Variants in DYNC2H1 observed in about 807,000 individuals in gnomAD.
The protein encoded by DYNC2H1 is cytoplasmic dynein 2 heavy chain 1.
In DYNC2H1, 410 loss-of-function variants were observed where a neutral mutation model predicts 570.0. That is an observed-to-expected ratio of 0.72 (90% confidence interval 0.66 to 0.78). The LOEUF (loss-of-function observed/expected upper bound fraction) is 0.78, where lower values mean the gene tolerates loss of function less well. Ranked by LOEUF, DYNC2H1 falls within the 30% of genes least tolerant of loss-of-function variation. The pLI is 0.00. For synonymous variants in DYNC2H1, 1,688 were observed against 1,677.6 expected (o/e 1.01, Z -0.15); for missense variants, 4,865 against 5,046.4 (o/e 0.96, Z 1.09).
At chr11:103,214,278 C>T (rs2135129633) in intron 54 of DYNC2H1, among the ~76,000 whole-genome samples, 1 of 152,112 alleles carries the variant, frequency 6.6e-6, no homozygotes, top group Middle Eastern at 3.4e-3. Flanking sequence ...GTTCTTTTTG[C>T]TCAGGATTGC....
rs1364777202 is a variant in DYNC2H1, at chr11:103,472,128, T to C, written c.12765+3423T>C. On this transcript the variant is annotated intron_variant, in intron 88 of 88. Coordinates refer to ENST00000375735, the MANE Select transcript of DYNC2H1 (RefSeq NM_001377.3). The surrounding 1 kb of genome is among the most constrained non-coding windows in gnomAD (Gnocchi z 4.1). ...GGAGGGTATAGTTCATATGGAAGAA[T>C]GGTGGGGGATGCGGCCAGAAAGGAA... Among the ~76,000 whole-genome samples the C allele has an allele frequency of 6.6e-6, 1 of 152,064 alleles. No individual in the cohort carries two copies. Among genetic ancestry groups the C allele is most frequent in the Non-Finnish European group, 1.5e-5 (1 of 68,004 alleles).
rs1228080038 is a variant in DYNC2H1 at position 103,163,338 on chromosome 11, A to G, written c.4611+191A>G. On this transcript the variant is annotated intron_variant, in intron 30 of 88. Transcript: ENST00000375735. The surrounding 1 kb of genome is among the most constrained non-coding windows in gnomAD (Gnocchi z 4.6). ...TGGGGGATGAATTGAGATCCAAGCA[A>G]CCTAGGCCAGTGGTGAGTAGGATGG... is the stretch of plus-strand genomic sequence containing the variant. Among the ~76,000 whole-genome samples, 1 of 152,102 alleles carries G rather than the reference A, an allele frequency of 6.6e-6. No individual in the cohort carries two copies. The highest frequency in any genetic ancestry group is 2.4e-5 in the African/African-American group (1 of 41,424).
At chr11:103,193,794 C>T (rs1033048608) in intron 47 of DYNC2H1, among the ~76,000 whole-genome samples, 2 of 152,044 alleles carry the variant, frequency 1.3e-5, no homozygotes, top group African/African-American at 2.4e-5. Context: ...GTGATCTGCC[C>T]GCCTTGGCCT....
chr11:103,122,867 T>C lies in DYNC2H1; in HGVS notation c.1528T>C (p.Leu510=). ...IKIAEALLSD[L]PGFRCFHQSA... ...GATTGCAGAGGCTCTTTTATCTGAC[T>C]TGCCAGGATTTCGATGTTTCCATCA... Residue 510 remains leucine (L), a synonymous_variant, in exon 11 of 89, where the codon TTG becomes CTG. Coordinates refer to ENST00000375735, the MANE Select transcript of DYNC2H1 (RefSeq NM_001377.3). The C allele has an allele frequency of 1.9e-6, 3 of 1,613,292 alleles. No individual in the cohort carries two copies. Among genetic ancestry groups the C allele is most frequent in the Middle Eastern group, 3.3e-4 (2 of 6,058 alleles).
intron 83 of DYNC2H1, among the ~76,000 whole-genome samples, chr11:103,380,159 T>C (rs534226031): frequency 6.6e-6 from 1 of 152,326 alleles, no homozygotes; most frequent in Admixed American, 6.5e-5. Flanking sequence ...TCTCATCTTT[T>C]CCCATTAAGT....
At chr11:103,143,167 T>G in intron 17 of DYNC2H1, 101 bp from the exon 18 acceptor site, 1 of 1,233,830 alleles carries the variant, frequency 8.1e-7, no homozygotes, top group Non-Finnish European at 1.1e-6. Context: ...TACCTCATAT[T>G]TTCCTCTTTT....
At chr11:103,154,079 A>T (rs1190225017) in intron 22 of DYNC2H1, among the ~76,000 whole-genome samples, 1 of 151,906 alleles carries the variant, frequency 6.6e-6, no homozygotes, top group African/African-American at 2.4e-5. Context: ...CTTTCAACTG[A>T]GAAGAGTATT....
chr11:103,388,558 G>C (rs975016083), intron 83 of DYNC2H1, among the ~76,000 whole-genome samples: 8 of 152,204 alleles, frequency 5.3e-5, no homozygotes, highest in Non-Finnish European at 8.8e-5. Context: ...GGAATGGTGA[G>C]AGAGGGCATC....
At chr11:103,194,774 G>A (rs926829305) in intron 47 of DYNC2H1, among the ~76,000 whole-genome samples, 2 of 152,062 alleles carry the variant, frequency 1.3e-5, no homozygotes, top group Admixed American at 6.5e-5. Flanking sequence ...CTGGAGTGCA[G>A]TGGTGTAATC....
At chr11:103,142,517 A>T (rs1268093635) in intron 17 of DYNC2H1, among the ~76,000 whole-genome samples, 3 of 151,966 alleles carry the variant, frequency 2.0e-5, no homozygotes, top group Non-Finnish European at 4.4e-5. Flanking sequence ...TAAAATACAA[A>T]AATTATCTGG....
intron 22 of DYNC2H1, 101 bp from the exon 23 acceptor site, chr11:103,154,350 T>C (rs1212032755): frequency 1.0e-6 from 1 of 986,538 alleles, no homozygotes; most frequent in Non-Finnish European, 1.4e-6. Context: ...CAAGTGTGTG[T>C]GTACACACAT....
At position 103,315,781 on chromosome 11, in the gene DYNC2H1, G is replaced by A. The variant is rs111515317; in HGVS notation, c.11650-764G>A. On this transcript the variant is annotated intron_variant, in intron 79 of 88. Transcript: ENST00000375735. ...TTGTCTCCAGCCCACTCTTTCCCAC[G>A]TTTTACTGAAAGCTACATGAGGGCA... Among the ~76,000 whole-genome samples the A allele has an allele frequency of 2.4e-3, 363 of 151,984 alleles. 3 individuals carry two copies. Among genetic ancestry groups the A allele is most frequent in the African/African-American group, 8.4e-3 (349 of 41,502 alleles).
chr11:103,225,477 C>T (rs555820823), intron 59 of DYNC2H1, among the ~76,000 whole-genome samples: 7 of 152,142 alleles, frequency 4.6e-5, no homozygotes, highest in South Asian at 2.1e-4. Context: ...TGGGGCTTTC[C>T]GATTACCCCA....
intron 75 of DYNC2H1, among the ~76,000 whole-genome samples, chr11:103,300,606 A>AT (rs919007578): frequency 6.6e-6 from 1 of 151,978 alleles, no homozygotes; most frequent in African/African-American, 2.4e-5. Flanking sequence ...ATGGCAAGGT[A>AT]TTTTTCATGA....
rs114897087 is a variant in DYNC2H1, at chr11:103,181,154, T to C, written c.6348-603T>C. ...ATTATGTGCTTTGCTAAAGGAATTATAGTTTGCTTTAGGAAGATCTTTAAA... is the reference window on the plus strand; with the variant it reads ...ATTATGTGCTTTGCTAAAGGAATTACAGTTTGCTTTAGGAAGATCTTTAAA... On this transcript the variant is annotated intron_variant, in intron 39 of 88. Coordinates refer to ENST00000375735, the MANE Select transcript of DYNC2H1 (RefSeq NM_001377.3). The surrounding 1 kb of genome is among the most constrained non-coding windows in gnomAD (Gnocchi z 5.0). Among the ~76,000 whole-genome samples the C allele has an allele frequency of 7.9e-3, 1,201 of 151,762 alleles. 12 individuals are homozygous for C. The highest frequency in any genetic ancestry group is 0.027 in the African/African-American group (1,109 of 41,514).
In DYNC2H1 at chr11:103,334,585, G is replaced by T. The variant is rs186877143; in HGVS notation, c.12039+10595G>T. Among the ~76,000 whole-genome samples, 37 of 151,772 alleles carry T rather than the reference G, an allele frequency of 2.4e-4. No homozygotes were observed. Among genetic ancestry groups the T allele is most frequent in the Admixed American group, 2.0e-3 (30 of 15,254 alleles). ...AAAATAAATTCAAAGTTCAGTATTG[G>T]TATCTAATATGTAACATCAATATAA... On this transcript the variant is annotated intron_variant, in intron 82 of 88. Coordinates refer to ENST00000375735, the MANE Select transcript of DYNC2H1 (RefSeq NM_001377.3). This position sits in a 1 kb window ranked among gnomAD's most constrained non-coding sequence, Gnocchi z 4.3.
chr11:103,185,008 G>A lies in DYNC2H1; in HGVS notation c.6590G>A (p.Gly2197Asp). The change falls in exon 41 of 89, where the codon GGT becomes GAT. Residue 2197 changes from glycine to aspartate, a missense_variant. By Grantham distance (94) the Gly-to-Asp change is moderately conservative (BLOSUM62 -1). Coordinates refer to ENST00000375735, the MANE Select transcript of DYNC2H1 (RefSeq NM_001377.3). The surrounding 1 kb of genome is among the most constrained non-coding windows in gnomAD (Gnocchi z 4.5). ...ATTATTAATCTCATAAGGGGACTTG[G>A]TGGAAATCTGAATATGAAGTCACGT... Reference protein sequence around the residue: ...EFIINLIRGLGGNLNMKSRLE... With the variant: ...EFIINLIRGLDGNLNMKSRLE... 1 of 1,609,868 alleles carries A rather than the reference G, an allele frequency of 6.2e-7. No individual in the cohort carries two copies. Among genetic ancestry groups the A allele is most frequent in the South Asian group, 1.1e-5 (1 of 90,746 alleles).
intron 84 of DYNC2H1, among the ~76,000 whole-genome samples, chr11:103,421,333 C>T (rs1943480348): frequency 6.6e-6 from 1 of 152,098 alleles, no homozygotes; most frequent in Admixed American, 6.6e-5. Flanking sequence ...GACCTGAACT[C>T]AGCTAAGGAT....
At chr11:103,394,910 G>T (rs1416186850) in intron 83 of DYNC2H1, among the ~76,000 whole-genome samples, 1 of 151,928 alleles carries the variant, frequency 6.6e-6, no homozygotes, top group Non-Finnish European at 1.5e-5. Flanking sequence ...TGGGTGGCAA[G>T]AAATTCTATA....
Sources: gnomAD v4.1 joint callset for allele counts (sites outside exome capture counted in the v4.1 genomes callset) on GRCh38, gnomAD v4.1.1 for gene constraint, Gnocchi (gnomAD v3.1) non-coding constraint, MANE v1.5 for transcripts, NCBI Gene and HGNC (gene_info 2026-07-23, HGNC 2026-07-21) for gene names.